Variants in SYF2 observed in about 807,000 individuals in gnomAD.
The protein encoded by SYF2 is pre-mRNA-splicing factor SYF2.
Under a neutral mutation model 32.7 loss-of-function variants are expected in SYF2, and 21 were observed. The ratio of observed to expected loss-of-function variants is 0.64; its 90% CI spans 0.45 to 0.92. The LOEUF (loss-of-function observed/expected upper bound fraction) is 0.92. Among genes scored for constraint, SYF2 ranks in the 40% least tolerant of loss-of-function variants. SYF2 has a pLI of 0.00. For synonymous variants in SYF2, 114 were observed against 103.9 expected, an observed-to-expected ratio of 1.10 and a Z score of -0.59; for missense variants, 278 against 296.5, an observed-to-expected ratio of 0.94 and a Z score of 0.46.
chr1:25,232,237 G>C, intron 1 of SYF2, 26 bp from the exon 2 acceptor site: 1 of 1,603,992 alleles, frequency 6.2e-7, no homozygotes, highest in Non-Finnish European at 8.5e-7. Flanking sequence ...CTGGCTTCAG[G>C]CAGAGCCGGC....
At chr1:25,228,851 A>G in intron 3 of SYF2, 147 bp downstream of exon 3, 5 of 781,772 alleles carry the variant, frequency 6.4e-6, no homozygotes, top group South Asian at 2.2e-5. Flanking sequence ...AACTCACCCA[A>G]CGTGTTGCAG....
At chr1:25,227,360 A>G in intron 5 of SYF2, 82 bp downstream of exon 5, 2 of 1,115,066 alleles carry the variant, frequency 1.8e-6, no homozygotes, top group South Asian at 2.8e-5. Context: ...TTAGCATTAA[A>G]GCATGTTTCT....
rs778107896 is a variant in SYF2 at position 25,227,508 on chromosome 1, T to TG, written c.400dup (p.Gln134ProfsTer12). Reference sequence around the variant, plus strand: ...GATCTGCTTGGTCAACCGATGATACTGGCGTAACTGGGCAGCAGCATAATC... The same window carrying TG: ...GATCTGCTTGGTCAACCGATGATACTGGGCGTAACTGGGCAGCAGCATAATC... On this transcript the variant is annotated frameshift_variant, in exon 5 of 7. Transcript: ENST00000236273. LOFTEE classifies it high-confidence loss of function. 10 of 1,613,714 alleles carry TG rather than the reference T, an allele frequency of 6.2e-6. No homozygotes were observed. In the Admixed American group the frequency reaches 1.0e-4, roughly 16 times the overall value.
intron 6 of SYF2, 143 bp downstream of exon 6, chr1:25,224,859 T>G: frequency 3.1e-6 from 2 of 645,564 alleles, no homozygotes; most frequent in Admixed American, 2.6e-5. Context: ...CAAGCCACTA[T>G]AGACAGGTCA....
intron 5 of SYF2, among the ~76,000 whole-genome samples, chr1:25,226,115 T>G (rs1638506029): frequency 6.6e-6 from 1 of 151,522 alleles, no homozygotes; most frequent in African/African-American, 2.4e-5. Context: ...ACCACTGCAC[T>G]CCAGCCTGGG....
rs1213353052 is a variant in SYF2 at position 25,222,626 on chromosome 1, T to C, written c.*640A>G. The C allele has an allele frequency of 6.6e-6, 1 of 152,204 alleles. No homozygotes were observed. The highest frequency in any genetic ancestry group is 1.5e-5 in the Non-Finnish European group (1 of 68,046). 9.4% of individuals were successfully genotyped at this position (152,204 alleles called of 1,614,324 possible). ...TTTGTAGAATGGAAGCATGTATGTA[T>C]ATAAACAAATGTATATATACAAATG... On this transcript the variant is annotated 3_prime_UTR_variant, in exon 7 of 7. Transcript: ENST00000236273.
chr1:25,224,908 AATTC>A, intron 6 of SYF2, 90 bp downstream of exon 6: 1 of 937,344 alleles, frequency 1.1e-6, no homozygotes, highest in South Asian at 1.4e-5. Context: ...CTATCTTTTG[AATTC>A]ATTCTAAGCA....
intron 6 of SYF2, among the ~76,000 whole-genome samples, chr1:25,224,159 G>A (rs984702005): frequency 2.5e-4 from 38 of 151,596 alleles, no homozygotes; most frequent in Middle Eastern, 3.4e-3. Context: ...GTGACACTGC[G>A]CTCCAGCCTG....
At chr1:25,224,893 A>G in intron 6 of SYF2, 109 bp downstream of exon 6, 1 of 852,024 alleles carries the variant, frequency 1.2e-6, no homozygotes, top group Non-Finnish European at 1.9e-6. Context: ...ATAACTGTAC[A>G]ATTTCTATCT....
chr1:25,224,066 C>T (rs560539569), intron 6 of SYF2, among the ~76,000 whole-genome samples: 17 of 151,952 alleles, frequency 1.1e-4, no homozygotes, highest in South Asian at 4.2e-4. Flanking sequence ...TGGTGGTACA[C>T]GCCTGTGGTC....
At chr1:25,230,030 C>T (rs767251841) in intron 2 of SYF2, among the ~76,000 whole-genome samples, 10 of 152,132 alleles carry the variant, frequency 6.6e-5, no homozygotes, top group Non-Finnish European at 1.0e-4. Flanking sequence ...TTTGGCCAGG[C>T]TGGTCTCAAA....
Position 25,228,135 on chromosome 1 carries a change from G to A in SYF2, c.359C>T (p.Pro120Leu), listed in dbSNP as rs777285412. 2 of 1,613,794 alleles carry A rather than the reference G, an allele frequency of 1.2e-6. No homozygotes were observed. The highest frequency in any genetic ancestry group is 1.7e-6 in the Non-Finnish European group (2 of 1,179,878). The change falls in exon 4 of 7, where the codon CCT (proline) becomes CTT (leucine). Residue 120 changes from proline to leucine, a missense_variant. Pro to Leu is a moderately conservative substitution (Grantham distance 98). Transcript: ENST00000236273. ...AATCTGACCTGAAAATCCCAGATCA[G>A]GGTTTTTCCTCTTCTTTTTCCTCTC... Reference protein sequence around the residue: ...RWERKKKRKNPDLGFSDYAAA... With the variant: ...RWERKKKRKNLDLGFSDYAAA...
At chr1:25,225,773 G>GCA (rs1249190664) in intron 5 of SYF2, among the ~76,000 whole-genome samples, 4 of 148,896 alleles carry the variant, frequency 2.7e-5, no homozygotes, top group Admixed American at 6.7e-5. Flanking sequence ...CAGGAGAATT[G>GCA]CTTGAACCCG....
chr1:25,228,219 C>T lies in SYF2; in HGVS notation c.275G>A (p.Gly92Glu). 6.2e-7 allele frequency: 1 copy of T among 1,612,880 alleles called. No homozygotes were observed. Among genetic ancestry groups the T allele is most frequent in the Non-Finnish European group, 8.5e-7 (1 of 1,179,898 alleles). The stretch of plus-strand genomic sequence containing the variant: ...CAACTTCACTTTCTCATAGTCTTCT[C>T]CTCTTGCCGCACATTCCTAAAAAGA... ...EEKKKECAAR[G>E]EDYEKVKLLE... Residue 92 changes from glycine to glutamate, a missense_variant, in exon 4 of 7, where the codon GGA (glycine) becomes GAA (glutamate). Physicochemically the swap from Gly to Glu is moderately conservative, Grantham distance 98. Transcript: ENST00000236273.
intron 5 of SYF2, among the ~76,000 whole-genome samples, chr1:25,225,539 T>A (rs550428715): frequency 0.014 from 2,057 of 145,608 alleles, 19 homozygotes; most frequent in Non-Finnish European, 0.02. Context: ...AAAAAAAAAA[T>A]TTTTTTTAAT....
chr1:25,227,744 T>C (rs1638541365), intron 4 of SYF2, among the ~76,000 whole-genome samples: 1 of 152,200 alleles, frequency 6.6e-6, no homozygotes. Context: ...TTGAGCATCA[T>C]AGCACCATGT....
At chr1:25,232,246 GCT>G in intron 1 of SYF2, 35 bp from the exon 2 acceptor site, 1 of 1,595,736 alleles carries the variant, frequency 6.3e-7, no homozygotes, top group Non-Finnish European at 8.5e-7. Context: ...GGCAGAGCCG[GCT>G]CAGCTTCTCC....
rs1270566630 is a variant in SYF2, at chr1:25,227,511, C to T, written c.398G>A (p.Arg133His). Residue 133 changes from arginine (R) to histidine (H), a missense_variant, in exon 5 of 7, where the codon CGC (arginine) becomes CAC (histidine). By Grantham distance (29) the Arg-to-His change is conservative. Transcript: ENST00000236273. The stretch of plus-strand genomic sequence containing the variant: ...CTGCTTGGTCAACCGATGATACTGG[C>T]GTAACTGGGCAGCAGCATAATCTAA... ...GFSDYAAAQL[R>H]QYHRLTKQIK... 4 of 1,613,372 alleles carry T rather than the reference C, an allele frequency of 2.5e-6. No individual in the cohort carries two copies. Among genetic ancestry groups the T allele is most frequent in the Non-Finnish European group, 2.5e-6 (3 of 1,179,846 alleles).
At chr1:25,228,686 G>T (rs1399597415) in intron 3 of SYF2, among the ~76,000 whole-genome samples, 1 of 152,190 alleles carries the variant, frequency 6.6e-6, no homozygotes, top group Non-Finnish European at 1.5e-5. Context: ...GTATATAAGT[G>T]AGCACATGAT....
Sources: gnomAD v4.1 joint callset for allele counts (sites outside exome capture counted in the v4.1 genomes callset) on GRCh38, gnomAD v4.1.1 for gene constraint, MANE v1.5 for transcripts, NCBI Gene and HGNC (gene_info 2026-07-23, HGNC 2026-07-21) for gene names.